Variants in PCNX2 observed in about 807,000 individuals in gnomAD.
PCNX2 encodes pecanex-like protein 2.
In PCNX2, 168 loss-of-function variants were observed where a neutral mutation model predicts 223.8. The observed-to-expected ratio is 0.75, with a 90% CI of 0.66 to 0.85. PCNX2 has a LOEUF of 0.85. Among genes scored for constraint, PCNX2 ranks in the 40% least tolerant of loss-of-function variants. PCNX2 has a pLI of 0.00. For synonymous variants in PCNX2, 1,006 were observed against 1,052.6 expected, an observed-to-expected ratio of 0.96 and a Z score of 0.86; for missense variants, 2,507 against 2,675.5, an observed-to-expected ratio of 0.94 and a Z score of 1.39.
At chr1:233,089,932 G>T in intron 23 of PCNX2, 129 bp downstream of exon 23, 1 of 1,492,024 alleles carries the variant, frequency 6.7e-7, no homozygotes. Flanking sequence ...CATCAAGAGA[G>T]ACAGGTTTGG....
At chr1:233,219,626 T>G (rs900603030) in intron 10 of PCNX2, among the ~76,000 whole-genome samples, 8 of 151,898 alleles carry the variant, frequency 5.3e-5, no homozygotes, top group African/African-American at 1.9e-4. Flanking sequence ...TTGTGAACAT[T>G]TAAAAAAAAA....
rs1572015629 is a variant in PCNX2, at chr1:233,172,312, TTA to T, written c.3273+5488_3273+5489del. 11 of 971,616 alleles carry T rather than the reference TTA, an allele frequency of 1.1e-5. No individual in the cohort carries two copies. The South Asian group carries it at 3.8e-4, about 34-fold the overall frequency. The allele number at this position is 971,616 out of a possible 1,614,324, so 60.2% of individuals were successfully genotyped here. On this transcript the variant is annotated intron_variant, in intron 17 of 33. Coordinates refer to ENST00000258229, the MANE Select transcript of PCNX2 (RefSeq NM_014801.4). ...GACAAGGCAACCTTCTAGAAAGGATTTATGTTTGTTTCTGCCATGAGGCGTTT... is the reference window on the plus strand; with the variant it reads ...GACAAGGCAACCTTCTAGAAAGGATTTGTTTGTTTCTGCCATGAGGCGTTT...
Position 233,152,441 on chromosome 1 carries a change from G to A in PCNX2, c.3517+7842C>T, listed in dbSNP as rs115755785. On this transcript the variant is annotated intron_variant, in intron 19 of 33. Coordinates refer to ENST00000258229, the MANE Select transcript of PCNX2 (RefSeq NM_014801.4). ...TTATGTGGGGAAAAAGGCGAGGTAAGGAATACATCCTTCCTCCTCTAGCCA... is the reference window on the plus strand; with the variant it reads ...TTATGTGGGGAAAAAGGCGAGGTAAAGAATACATCCTTCCTCCTCTAGCCA... Among the ~76,000 whole-genome samples the A allele has an allele frequency of 9.3e-3, 1,412 of 152,134 alleles. 19 individuals carry two copies. The highest frequency in any genetic ancestry group is 0.032 in the African/African-American group (1,341 of 41,486).
chr1:233,313,018 T>C, the PCNX2 span, among the ~76,000 whole-genome samples: 1 of 152,118 alleles, frequency 6.6e-6, no homozygotes, highest in Non-Finnish European at 1.5e-5. Flanking sequence ...AACTCTAACA[T>C]TATCTCAATT....
At chr1:233,187,860 C>G (rs2102873291) in intron 15 of PCNX2, among the ~76,000 whole-genome samples, 1 of 152,180 alleles carries the variant, frequency 6.6e-6, no homozygotes, top group African/African-American at 2.4e-5. Context: ...TCTCTTGCAG[C>G]TAGAAATGAT....
rs181543205 is a variant in PCNX2, at chr1:233,014,724, G to A, written c.4893C>T (p.Phe1631=). Reference sequence around the variant, plus strand: ...CTCTCCTCCCCAGGGTGCACAGGGCGAAGGACAGAGTCACCAAGGGAGAGT... The same window carrying A: ...CTCTCCTCCCCAGGGTGCACAGGGCAAAGGACAGAGTCACCAAGGGAGAGT... ...DEDSPLVTLS[F]ALCTLGRRAL... Residue 1631 remains phenylalanine (F), a synonymous_variant, in exon 28 of 34, where the codon TTC becomes TTT. Coordinates refer to ENST00000258229, the MANE Select transcript of PCNX2 (RefSeq NM_014801.4). 4.8e-5 allele frequency: 77 copies of A among 1,613,970 alleles called. No homozygotes were observed. The highest frequency in any genetic ancestry group is 4.2e-5 in the Non-Finnish European group (50 of 1,179,894).
intron 8 of PCNX2, chr1:233,241,369 T>C: frequency 1.0e-6 from 1 of 985,426 alleles, no homozygotes; most frequent in Non-Finnish European, 1.2e-6. Context: ...AACAAAAGTC[T>C]TTCTAGAATC....
At chr1:233,241,317 G>C in intron 8 of PCNX2, 1 of 985,408 alleles carries the variant, frequency 1.0e-6, no homozygotes, top group Non-Finnish European at 1.2e-6. Flanking sequence ...CACACTGAGC[G>C]GCAGGGCCAA....
In PCNX2 at chr1:233,001,411, G is replaced by A; in HGVS notation, c.5097+126C>T. ...GGAGAATCGCTTGAACCCGGGAGGT[G>A]GAGGTTGTGGTGAGCCGAGATTGTG... On this transcript the variant is annotated intron_variant, in intron 29 of 33. Transcript: ENST00000258229. This position sits in a 1 kb window ranked among gnomAD's most constrained non-coding sequence, Gnocchi z 4.2. The A allele has an allele frequency of 2.1e-6, 1 of 472,118 alleles. No homozygotes were observed. Among genetic ancestry groups the A allele is most frequent in the Non-Finnish European group, 3.0e-6 (1 of 335,148 alleles). The allele number at this position is 472,118 out of a possible 1,614,324, so 29.2% of individuals were successfully genotyped here. A position where few individuals can be genotyped will look rare whatever the true frequency, so the allele number is the denominator to read the frequency against.
chr1:233,159,803 C>T (rs1339001219), intron 19 of PCNX2, among the ~76,000 whole-genome samples: 1 of 152,012 alleles, frequency 6.6e-6, no homozygotes, highest in East Asian at 1.9e-4. Context: ...AGGTGTAGGC[C>T]TAGATGAACA....
chr1:232,984,366 T>C lies in PCNX2; in HGVS notation c.6352A>G (p.Ser2118Gly), dbSNP rs1669385591. ...DTLGVVCRRA[S>G]QEDMGLDDTA... ...TCGTCCAGGCCCATGTCCTCCTGGC[T>C]TGCTCTCCTGCAGACAACCCCGAGA... The change falls in exon 34 of 34, where the codon AGC becomes GGC. Residue 2118 changes from serine to glycine, a missense_variant. By Grantham distance (56) the Ser-to-Gly change is moderately conservative. Transcript: ENST00000258229. The C allele has an allele frequency of 1.2e-6, 2 of 1,613,658 alleles. No individual in the cohort carries two copies. The highest frequency in any genetic ancestry group is 8.5e-7 in the Non-Finnish European group (1 of 1,179,802).
At chr1:233,134,173 A>G (rs1048311828) in intron 21 of PCNX2, among the ~76,000 whole-genome samples, 6 of 152,338 alleles carry the variant, frequency 3.9e-5, no homozygotes, top group Admixed American at 2.6e-4. Context: ...GCTGTATTCA[A>G]CTGCCGGTGT....
chr1:233,262,009 C>T, intron 3 of PCNX2, 36 bp downstream of exon 3: 1 of 1,612,056 alleles, frequency 6.2e-7, no homozygotes, highest in Non-Finnish European at 8.5e-7. Context: ...ATCGAAATCA[C>T]ATGAAGAGGG....
Position 232,983,790 on chromosome 1 carries a change from C to G in PCNX2, c.*514G>C, listed in dbSNP as rs1669349415. 6.6e-6 allele frequency: 1 copy of G among 152,216 alleles called. No individual in the cohort carries two copies. The highest frequency in any genetic ancestry group is 2.1e-4 in the South Asian group (1 of 4,826). 9.4% of individuals were successfully genotyped at this position (152,216 alleles called of 1,614,324 possible). ...GGGTTTTCTTGACACTTAGATTTAA[C>G]CTTAATGCATCTGCCCAGCTGATGG... On this transcript the variant is annotated 3_prime_UTR_variant, in exon 34 of 34. Transcript: ENST00000258229.
chr1:233,173,825 T>G (rs1679302647), intron 17 of PCNX2, among the ~76,000 whole-genome samples: 1 of 151,968 alleles, frequency 6.6e-6, no homozygotes, highest in African/African-American at 2.4e-5. Flanking sequence ...TATTGTGAGT[T>G]GGATCACATT....
Position 233,258,301 on chromosome 1 carries a change from A to C in PCNX2, c.1561T>G (p.Ser521Ala), listed in dbSNP as rs2102994126. 6.2e-7 allele frequency: 1 copy of C among 1,614,012 alleles called. No homozygotes were observed. Among genetic ancestry groups the C allele is most frequent in the Admixed American group, 1.7e-5 (1 of 60,024 alleles). Residue 521 changes from serine to alanine, a missense_variant, in exon 5 of 34, where the codon TCC (serine) becomes GCC (alanine). Around this residue, in one of 3 missense-constraint regions of PCNX2, gnomAD observed 1,031 missense variants for 1,021.7 expected, o/e 1.01. Coordinates refer to ENST00000258229, the MANE Select transcript of PCNX2 (RefSeq NM_014801.4). ...CGGGCATGCCTCTTTTCATGGCTGG[A>C]CTTACAAGACGATGGGTCAAGGTTA... ...QTNLDPSSCK[S>A]SHEKRHARVL...
chr1:233,237,672 T>C (rs1025740159), intron 8 of PCNX2, among the ~76,000 whole-genome samples: 4 of 152,228 alleles, frequency 2.6e-5, no homozygotes, highest in Non-Finnish European at 4.4e-5. Flanking sequence ...GTAGGGTATC[T>C]ATAACTTTTA....
rs138543689 is a variant in PCNX2, at chr1:233,220,034, G to A, written c.2505-1850C>T. 5.3e-5 allele frequency among the ~76,000 whole-genome samples: 8 copies of A among 152,192 alleles called. No individual in the cohort carries two copies. In the East Asian group the frequency reaches 1.2e-3, roughly 22 times the overall value. Reference sequence around the variant, plus strand: ...GAGGACCATATAGTTGGAACCATACGGTATGTAGCCTTTGCATATTGGCTC... The same window carrying A: ...GAGGACCATATAGTTGGAACCATACAGTATGTAGCCTTTGCATATTGGCTC... On this transcript the variant is annotated intron_variant, in intron 10 of 33. Coordinates refer to ENST00000258229, the MANE Select transcript of PCNX2 (RefSeq NM_014801.4).
chr1:233,275,638 T>A (rs1002730533), intron 1 of PCNX2, among the ~76,000 whole-genome samples: 2 of 152,182 alleles, frequency 1.3e-5, no homozygotes, highest in Non-Finnish European at 2.9e-5. Context: ...TAACATAGGA[T>A]CTGGCAATTC....
Sources: allele counts gnomAD v4.1 joint callset (sites outside exome capture counted in the v4.1 genomes callset), GRCh38; gene constraint gnomAD v4.1.1; regional missense constraint gnomAD v4.1.1; non-coding constraint Gnocchi (gnomAD v3.1); transcripts MANE v1.5; gene names NCBI Gene and HGNC (gene_info 2026-07-23, HGNC 2026-07-21).